Variants in DIP2A observed in about 807,000 individuals in gnomAD.
DIP2A encodes DIP2 acetate--CoA ligase A, also known as disco-interacting protein 2 homolog A.
In DIP2A, 85 loss-of-function variants were observed where a neutral mutation model predicts 177.4. The observed-to-expected ratio is 0.48, with a 90% CI of 0.40 to 0.57. DIP2A has a LOEUF of 0.57. Ranked by LOEUF, DIP2A falls within the 20% of genes least tolerant of loss-of-function variation. DIP2A has a pLI of 0.00. For missense variants in DIP2A, 1,791 were observed against 2,100.2 expected (o/e 0.85, Z 2.88); for synonymous variants, 886 against 881.8 (o/e 1.00, Z -0.08).
chr21:46,474,062 A>AT (rs2055632862), intron 1 of DIP2A, among the ~76,000 whole-genome samples: 1 of 152,144 alleles, frequency 6.6e-6, no homozygotes, highest in Admixed American at 6.5e-5. Flanking sequence ...AGGGCAAGAG[A>AT]TTTTGCTGGT....
Position 46,554,909 on chromosome 21 carries a change from A to T in DIP2A, c.3364A>T (p.Thr1122Ser). 1 of 1,552,194 alleles carries T rather than the reference A, an allele frequency of 6.4e-7. No homozygotes were observed. The highest frequency in any genetic ancestry group is 8.7e-7 in the Non-Finnish European group (1 of 1,148,052). The change falls in exon 28 of 38, where the codon ACC becomes TCC. Residue 1122 changes from threonine (T) to serine (S), a missense_variant. By Grantham distance (58) the Thr-to-Ser change is moderately conservative. Coordinates refer to ENST00000417564, the MANE Select transcript of DIP2A (RefSeq NM_015151.4). ...GGCTGCTGCTGCCGTGGACATCAGG[A>T]CCTGGCCCACCATCCTAGACACAGG... Reference protein sequence around the residue: ...KEAAAAVDIRTWPTILDTDDI... With the variant: ...KEAAAAVDIRSWPTILDTDDI...
intron 3 of DIP2A, among the ~76,000 whole-genome samples, chr21:46,491,658 G>A (rs61014386): frequency 2.0e-5 from 3 of 152,192 alleles, no homozygotes; most frequent in African/African-American, 7.2e-5. Context: ...ATTTCACTGA[G>A]CACTGTTGTC....
rs545637250 is a variant in DIP2A, at chr21:46,517,821, C to T, written c.1102+6207C>T. Among the ~76,000 whole-genome samples the T allele has an allele frequency of 5.3e-4, 80 of 152,328 alleles. 1 individual carries two copies. Among genetic ancestry groups the T allele is most frequent in the African/African-American group, 1.6e-3 (68 of 41,580 alleles). ...TGCTCCAGGTGGATACTCAGCCCCCCGTGGGGGCTGGAATCCCTGAACATG... is the reference window on the plus strand; with the variant it reads ...TGCTCCAGGTGGATACTCAGCCCCCTGTGGGGGCTGGAATCCCTGAACATG... On this transcript the variant is annotated intron_variant, in intron 8 of 37. Coordinates refer to ENST00000417564, the MANE Select transcript of DIP2A (RefSeq NM_015151.4).
At chr21:46,527,275 C>T (rs970488757) in intron 8 of DIP2A, among the ~76,000 whole-genome samples, 10 of 150,436 alleles carry the variant, frequency 6.6e-5, no homozygotes, top group Non-Finnish European at 1.5e-4. Context: ...CAATTATTAA[C>T]ACCTTAAACT....
At chr21:46,522,967 C>G (rs1235673703) in intron 8 of DIP2A, among the ~76,000 whole-genome samples, 4 of 151,762 alleles carry the variant, frequency 2.6e-5, no homozygotes, top group African/African-American at 9.7e-5. Context: ...CTCTTGTTGC[C>G]CAGGCTGGAG....
chr21:46,534,236 A>C lies in DIP2A; in HGVS notation c.1539+123A>C, dbSNP rs905034778. On this transcript the variant is annotated intron_variant, in intron 12 of 37. Transcript: ENST00000417564. Reference sequence around the variant, plus strand: ...GTTTCGGCCTAAGAGTTCTTGTTTTATCTCTGCCCTGGAAATACAGAGTGT... The same window carrying C: ...GTTTCGGCCTAAGAGTTCTTGTTTTCTCTCTGCCCTGGAAATACAGAGTGT... The C allele has an allele frequency of 5.3e-6, 4 of 750,060 alleles. No homozygotes were observed. The Admixed American group carries it at 9.9e-5, about 19-fold the overall frequency. 46.5% of individuals were successfully genotyped at this position (750,060 alleles called of 1,614,324 possible).
At chr21:46,499,106 A>G (rs942626293) in intron 5 of DIP2A, among the ~76,000 whole-genome samples, 3 of 152,222 alleles carry the variant, frequency 2.0e-5, no homozygotes, top group African/African-American at 7.2e-5. Flanking sequence ...TAAATCCCTA[A>G]TAACCTTTTG....
chr21:46,497,429 C>T (rs2057418514), intron 4 of DIP2A, among the ~76,000 whole-genome samples: 1 of 152,136 alleles, frequency 6.6e-6, no homozygotes, highest in South Asian at 2.1e-4. Context: ...AAGCACTAAG[C>T]TAAAGCTTCC....
chr21:46,575,882 A>G, the DIP2A span, among the ~76,000 whole-genome samples: 2 of 152,250 alleles, frequency 1.3e-5, no homozygotes, highest in Non-Finnish European at 2.9e-5. Flanking sequence ...TGGTTTTTGC[A>G]GAAAGACTAA....
chr21:46,486,202 A>G (rs1472225393), intron 2 of DIP2A, among the ~76,000 whole-genome samples: 3 of 152,216 alleles, frequency 2.0e-5, no homozygotes, highest in African/African-American at 4.8e-5. Context: ...AACACCAGCC[A>G]TGTATGATGA....
At chr21:46,469,012 C>T (rs1192376421) in intron 1 of DIP2A, 1 of 152,228 alleles carries the variant, frequency 6.6e-6, no homozygotes, top group Non-Finnish European at 1.5e-5. Context: ...CTAAAGCCCC[C>T]TTCTCCCCAA....
At chr21:46,550,225 CT>C (rs1395636293) in intron 22 of DIP2A, 6 of 663,950 alleles carry the variant, frequency 9.0e-6, no homozygotes, top group African/African-American at 7.3e-5. Context: ...AAAGAAAAAA[CT>C]TTCCTCCTCC....
chr21:46,527,630 A>ATT (rs112647008), intron 8 of DIP2A, among the ~76,000 whole-genome samples: 2 of 149,254 alleles, frequency 1.3e-5, no homozygotes, highest in African/African-American at 4.9e-5. Flanking sequence ...CCAGTCTAGT[A>ATT]TTTTTTTTTT....
chr21:46,546,203 G>A, intron 20 of DIP2A: 1 of 1,307,330 alleles, frequency 7.6e-7, no homozygotes, highest in South Asian at 2.5e-5. Context: ...GGATGAGGAT[G>A]TTTTGCTTTT....
In DIP2A at chr21:46,557,850, C is replaced by T. The variant is rs914904430; in HGVS notation, c.3798+97C>T. 3 of 1,421,156 alleles carry T rather than the reference C, an allele frequency of 2.1e-6. No individual in the cohort carries two copies. In the Admixed American group the frequency reaches 6.8e-5, roughly 32 times the overall value. The allele number at this position is 1,421,156 out of a possible 1,614,324, so 88.0% of individuals were successfully genotyped here. ...AAAACAAGACTCCCAAGGCCCCTCC[C>T]TGCAGTTGGAGGAAGTAGAGAAAAC... On this transcript the variant is annotated intron_variant, in intron 31 of 37. Coordinates refer to ENST00000417564, the MANE Select transcript of DIP2A (RefSeq NM_015151.4). The surrounding 1 kb of genome is among the most constrained non-coding windows in gnomAD (Gnocchi z 6.0).
At chr21:46,559,944 G>A (rs550817942) in intron 32 of DIP2A, among the ~76,000 whole-genome samples, 1 of 152,192 alleles carries the variant, frequency 6.6e-6, no homozygotes, top group African/African-American at 2.4e-5. Flanking sequence ...GTGAATTCTA[G>A]ACAAACATGT....
At chr21:46,470,349 C>A (rs2055240876) in intron 1 of DIP2A, among the ~76,000 whole-genome samples, 1 of 152,206 alleles carries the variant, frequency 6.6e-6, no homozygotes, top group Non-Finnish European at 1.5e-5. Context: ...TGGCACATGC[C>A]TGTAATCCCA....
At chr21:46,483,030 T>C (rs781326619) in intron 1 of DIP2A, among the ~76,000 whole-genome samples, 1 of 152,170 alleles carries the variant, frequency 6.6e-6, no homozygotes, top group African/African-American at 2.4e-5. Flanking sequence ...GGTGGCTGGC[T>C]GTGGACCTGG....
rs140014315 is a variant in DIP2A, at chr21:46,535,431, G to T, written c.1642+744G>T. Among the ~76,000 whole-genome samples the T allele has an allele frequency of 6.0e-3, 911 of 152,176 alleles. 7 individuals carry two copies. Among genetic ancestry groups the T allele is most frequent in the Middle Eastern group, 0.02 (6 of 294 alleles). ...GTATGTCTAAATATCTAAAATATAG[G>T]TGTTCAGGCCAGGTGCAGTGGTTCA... On this transcript the variant is annotated intron_variant, in intron 13 of 37. Coordinates refer to ENST00000417564, the MANE Select transcript of DIP2A (RefSeq NM_015151.4).
Sources: gnomAD v4.1 joint callset for allele counts (sites outside exome capture counted in the v4.1 genomes callset) on GRCh38, gnomAD v4.1.1 for gene constraint, Gnocchi (gnomAD v3.1) non-coding constraint, MANE v1.5 for transcripts, NCBI Gene and HGNC (gene_info 2026-07-23, HGNC 2026-07-21) for gene names.